Variants in PID1 observed in about 807,000 individuals in gnomAD.
PID1 encodes phosphotyrosine interaction domain containing 1, also known as PTB-containing, cubilin and LRP1-interacting protein.
A neutral mutation model predicts 19.1 loss-of-function variants in PID1; 10 were observed. That is an observed-to-expected ratio of 0.52 (90% CI 0.32 to 0.89). The LOEUF (loss-of-function observed/expected upper bound fraction) is 0.89. Among genes scored for constraint, PID1 ranks in the 40% least tolerant of loss-of-function variants. PID1 has a pLI of 0.03. For missense variants in PID1, 248 were observed against 285.3 expected, an observed-to-expected ratio of 0.87 and a Z score of 0.94; for synonymous variants, 130 against 116.0, an observed-to-expected ratio of 1.12 and a Z score of -0.78.
Position 229,024,555 on chromosome 2 carries a change from T to C in PID1, c.*1077A>G, listed in dbSNP as rs1056511503. The C allele has an allele frequency of 6.5e-6, 1 of 152,672 alleles. No homozygotes were observed. Among genetic ancestry groups the C allele is most frequent in the Non-Finnish European group, 1.5e-5 (1 of 68,040 alleles). 9.5% of individuals were successfully genotyped at this position (152,672 alleles called of 1,614,324 possible). On this transcript the variant is annotated 3_prime_UTR_variant, in exon 3 of 3. Coordinates refer to ENST00000392055, the MANE Select transcript of PID1 (RefSeq NM_001100818.2). ...GATTTCCCTTTAGGTTAAGATGACA[T>C]GGGTCTCTAGACAAGCCAAGTTTAT... is the stretch of plus-strand genomic sequence containing the variant.
At chr2:229,059,552 C>A (rs1646412393) in intron 2 of PID1, among the ~76,000 whole-genome samples, 1 of 152,130 alleles carries the variant, frequency 6.6e-6, no homozygotes, top group African/African-American at 2.4e-5. Context: ...GGGATGCCAC[C>A]ATGGCTTGAA....
chr2:229,060,701 T>C (rs1694195048), intron 2 of PID1, among the ~76,000 whole-genome samples: 1 of 152,136 alleles, frequency 6.6e-6, no homozygotes. Context: ...TATACAGTTT[T>C]CCATAATAGC....
intron 1 of PID1, among the ~76,000 whole-genome samples, chr2:229,186,075 T>C (rs1192558362): frequency 6.6e-6 from 1 of 152,168 alleles, no homozygotes; most frequent in African/African-American, 2.4e-5. Context: ...AGGGACTACA[T>C]GCCCCATGCA....
Position 229,024,719 on chromosome 2 carries a change from C to T in PID1, c.*913G>A, listed in dbSNP as rs1219216718. 1 of 152,648 alleles carries T rather than the reference C, an allele frequency of 6.6e-6. No individual in the cohort carries two copies. The highest frequency in any genetic ancestry group is 2.4e-5 in the African/African-American group (1 of 41,458). 9.5% of individuals were successfully genotyped at this position (152,648 alleles called of 1,614,324 possible). On this transcript the variant is annotated 3_prime_UTR_variant, in exon 3 of 3. Coordinates refer to ENST00000392055, the MANE Select transcript of PID1 (RefSeq NM_001100818.2). ...TTAAATAAGTTACCATAAATCTCAG[C>T]TGGATAAAAGGAGAGTTGACATAGA...
intron 1 of PID1, among the ~76,000 whole-genome samples, chr2:229,268,080 G>A (rs1053271315): frequency 4.6e-5 from 7 of 152,184 alleles, no homozygotes; most frequent in African/African-American, 1.7e-4. Context: ...GAGGGCTCGA[G>A]TGGGATGCAA....
At chr2:229,259,304 C>A (rs939058776) in intron 1 of PID1, among the ~76,000 whole-genome samples, 5 of 152,136 alleles carry the variant, frequency 3.3e-5, no homozygotes, top group Non-Finnish European at 5.9e-5. Context: ...TTTCTCCCAG[C>A]CTGAATCTTA....
chr2:229,082,951 C>A (rs2106212155), intron 2 of PID1, among the ~76,000 whole-genome samples: 1 of 151,962 alleles, frequency 6.6e-6, no homozygotes, highest in East Asian at 1.9e-4. Flanking sequence ...GATGCACCTC[C>A]AAAAACTTAT....
At chr2:229,222,449 T>C (rs1691991182) in intron 1 of PID1, among the ~76,000 whole-genome samples, 2 of 152,388 alleles carry the variant, frequency 1.3e-5, no homozygotes, top group Middle Eastern at 3.4e-3. Flanking sequence ...TTCATACTAC[T>C]ATGTGGCTTT....
At chr2:229,243,028 T>G (rs1392753279) in intron 1 of PID1, among the ~76,000 whole-genome samples, 1 of 152,074 alleles carries the variant, frequency 6.6e-6, no homozygotes, top group South Asian at 2.1e-4. Flanking sequence ...GATAAAGATA[T>G]ACCCAAGACT....
intron 2 of PID1, among the ~76,000 whole-genome samples, chr2:229,129,549 A>G (rs1439944796): frequency 6.6e-6 from 1 of 152,238 alleles, no homozygotes; most frequent in Non-Finnish European, 1.5e-5. Context: ...ATTGCCTGGC[A>G]GTTCTCCTCA....
chr2:229,040,673 A>G (rs1195577679), intron 2 of PID1, among the ~76,000 whole-genome samples: 1 of 152,232 alleles, frequency 6.6e-6, no homozygotes, highest in Admixed American at 6.5e-5. Flanking sequence ...AATGAAAAAC[A>G]TAACTGCAGT....
intron 1 of PID1, among the ~76,000 whole-genome samples, chr2:229,193,648 G>A (rs1029588052): frequency 4.0e-5 from 6 of 151,880 alleles, no homozygotes; most frequent in African/African-American, 1.5e-4. Context: ...TATTGTTATT[G>A]TTACTATTTG....
intron 1 of PID1, among the ~76,000 whole-genome samples, chr2:229,176,299 G>C (rs1238395596): frequency 6.6e-6 from 1 of 152,176 alleles, no homozygotes; most frequent in Non-Finnish European, 1.5e-5. Flanking sequence ...CCATTAATTG[G>C]TTCCTTTTGG....
At chr2:229,121,774 C>T (rs886405459) in intron 2 of PID1, among the ~76,000 whole-genome samples, 3 of 152,118 alleles carry the variant, frequency 2.0e-5, no homozygotes, top group Non-Finnish European at 4.4e-5. Context: ...AGAAGTCATA[C>T]ACTTGATCGA....
chr2:229,177,562 T>A (rs960382799), intron 1 of PID1, among the ~76,000 whole-genome samples: 2 of 152,210 alleles, frequency 1.3e-5, no homozygotes, highest in Non-Finnish European at 2.9e-5. Context: ...CTGCCTTTCA[T>A]CACTCTCATC....
At position 229,127,792 on chromosome 2, in the gene PID1, C is replaced by T. The variant is rs554440494; in HGVS notation, c.177+28026G>A. On this transcript the variant is annotated intron_variant, in intron 2 of 2. Coordinates refer to ENST00000392055, the MANE Select transcript of PID1 (RefSeq NM_001100818.2). ...ACTTGATAGCTACAGTTCTAGATCA[C>T]GAAAAAGAATAATGAACTATTTGAC... Among the ~76,000 whole-genome samples the T allele has an allele frequency of 3.9e-5, 6 of 152,238 alleles. No individual in the cohort carries two copies. In the South Asian group the frequency reaches 1.2e-3, roughly 32 times the overall value.
intron 2 of PID1, among the ~76,000 whole-genome samples, chr2:229,029,973 C>T (rs1434335938): frequency 1.3e-5 from 2 of 151,770 alleles, no homozygotes; most frequent in Non-Finnish European, 2.9e-5. Context: ...GCACTATTTA[C>T]AATAGCTAAA....
At chr2:229,097,528 T>G (rs1374255713) in intron 2 of PID1, among the ~76,000 whole-genome samples, 2 of 152,190 alleles carry the variant, frequency 1.3e-5, no homozygotes, top group Non-Finnish European at 2.9e-5. Context: ...AGATATTATA[T>G]AAGCCCTATA....
At chr2:229,207,125 T>C (rs1305176956) in intron 1 of PID1, among the ~76,000 whole-genome samples, 1 of 152,164 alleles carries the variant, frequency 6.6e-6, no homozygotes, top group African/African-American at 2.4e-5. Flanking sequence ...CTAATATAAT[T>C]ATTAATTTCA....
Sources: gnomAD v4.1 joint callset for allele counts (sites outside exome capture counted in the v4.1 genomes callset) on GRCh38, gnomAD v4.1.1 for gene constraint, MANE v1.5 for transcripts, NCBI Gene and HGNC (gene_info 2026-07-23, HGNC 2026-07-21) for gene names.